PREPL: variants seen among roughly 807,000 people sequenced by gnomAD.
The protein encoded by PREPL is prolyl endopeptidase-like.
In PREPL, 77 loss-of-function variants were observed where a neutral mutation model predicts 70.6. That is an observed-to-expected ratio of 1.09 (90% CI 0.91 to 1.32). The LOEUF is 1.32. Ranked by LOEUF, PREPL falls within the 40% of genes most tolerant of loss-of-function variation. The probability of loss-of-function intolerance (pLI) is 0.00; values close to 1 mark genes in which losing one functional copy is unlikely to be tolerated. For missense variants in PREPL, 1,002 were observed against 778.2 expected (o/e 1.29, Z -3.42); for synonymous variants, 315 against 264.8 (o/e 1.19, Z -1.84).
In PREPL at chr2:44,318,770, T is replaced by A. The variant is rs1042652837; in HGVS notation, c.*2586A>T. The stretch of plus-strand genomic sequence containing the variant: ...AAAATAAAATTACAAAAATCAGGCT[T>A]GGAAGTATTTAATAGCAGACAAAAT... On this transcript the variant is annotated 3_prime_UTR_variant, in exon 14 of 14. Transcript: ENST00000409411. The A allele has an allele frequency of 6.6e-6, 1 of 152,194 alleles. No individual in the cohort carries two copies. The highest frequency in any genetic ancestry group is 1.5e-5 in the Non-Finnish European group (1 of 68,026). 9.4% of individuals were successfully genotyped at this position (152,194 alleles called of 1,614,324 possible).
intron 9 of PREPL, 52 bp downstream of exon 9, chr2:44,328,885 A>T: frequency 6.8e-7 from 1 of 1,470,660 alleles, no homozygotes; most frequent in Non-Finnish European, 9.2e-7. Context: ...TATTCTTGAC[A>T]TCTCTCACAA....
At position 44,343,865 on chromosome 2, in the gene PREPL, C is replaced by G. The variant is rs1487616388; in HGVS notation, c.229G>C (p.Asp77His). The G allele has an allele frequency of 6.2e-6, 10 of 1,614,024 alleles. No individual in the cohort carries two copies. The highest frequency in any genetic ancestry group is 7.6e-6 in the Non-Finnish European group (9 of 1,179,942). Reference sequence around the variant, plus strand: ...ATCTTGGCAGCCACATATTTTTCATCTGGAGCAACTCTGATACAATCAATG... The same window carrying G: ...ATCTTGGCAGCCACATATTTTTCATGTGGAGCAACTCTGATACAATCAATG... Reference protein sequence around the residue: ...PFIDCIRVAPDEKYVAAKIRT... With the variant: ...PFIDCIRVAPHEKYVAAKIRT... Residue 77 changes from aspartate to histidine, a missense_variant, in exon 4 of 14, where the codon GAT becomes CAT. Coordinates refer to ENST00000409411, the MANE Select transcript of PREPL (RefSeq NM_001171613.2).
chr2:44,351,613 A>C (rs1034130075), intron 1 of PREPL, among the ~76,000 whole-genome samples: 2 of 152,058 alleles, frequency 1.3e-5, no homozygotes, highest in African/African-American at 4.8e-5. Flanking sequence ...AAAACATTAC[A>C]GTTGGATTTG....
Position 44,359,541 on chromosome 2 carries a change from A to G in PREPL, c.-49+1839T>C, listed in dbSNP as rs375878651. The G allele has an allele frequency of 8.1e-6, 13 of 1,613,494 alleles. No individual in the cohort carries two copies. The highest frequency in any genetic ancestry group is 3.3e-5 in the South Asian group (3 of 91,070). ...CTTGGGATGTTTCTTGCTAACTCTG[A>G]TATCTTGGGTTTATTCTGAAGACAC... On this transcript the variant is annotated intron_variant, in intron 1 of 13. Transcript: ENST00000409411.
At chr2:44,341,104 A>T (rs1314858317) in intron 5 of PREPL, among the ~76,000 whole-genome samples, 2 of 152,048 alleles carry the variant, frequency 1.3e-5, no homozygotes, top group Non-Finnish European at 2.9e-5. Context: ...TATTGATTTT[A>T]TGTTTCAAAA....
chr2:44,359,946 C>T (rs964998704), intron 1 of PREPL: 2 of 490,708 alleles, frequency 4.1e-6, no homozygotes, highest in African/African-American at 3.8e-5. Flanking sequence ...AATCATAATT[C>T]TTGGCAGATG....
At chr2:44,359,545 C>A (rs1015981858) in intron 1 of PREPL, 65 of 1,613,374 alleles carry the variant, frequency 4.0e-5, no homozygotes, top group Non-Finnish European at 5.2e-5. Context: ...ACTCTGATAT[C>A]TTGGGTTTAT....
rs143740561 is a variant in PREPL at position 44,320,427 on chromosome 2, G to A, written c.*929C>T. 1.1e-4 allele frequency: 171 copies of A among 1,614,036 alleles called. 2 individuals carry two copies. In the African/African-American group the frequency reaches 1.9e-3, roughly 17 times the overall value. The stretch of plus-strand genomic sequence containing the variant: ...ACATAATATGATTTCGGGCCTTCCC[G>A]CTAAAATGAGAATAAGGTTAAGTAC... On this transcript the variant is annotated 3_prime_UTR_variant, in exon 14 of 14. Coordinates refer to ENST00000409411, the MANE Select transcript of PREPL (RefSeq NM_001171613.2).
At chr2:44,325,399 A>T (rs913608256) in intron 10 of PREPL, among the ~76,000 whole-genome samples, 1 of 152,192 alleles carries the variant, frequency 6.6e-6, no homozygotes, top group Non-Finnish European at 1.5e-5. Flanking sequence ...GGCCAATTCT[A>T]TGCCTTTGGC....
At chr2:44,328,861 C>A in intron 9 of PREPL, 76 bp downstream of exon 9, 1 of 1,349,922 alleles carries the variant, frequency 7.4e-7, no homozygotes, top group East Asian at 2.4e-5. Flanking sequence ...CTTTTGTTCC[C>A]TGATATATAT....
chr2:44,357,484 T>G (rs1004352344), intron 1 of PREPL, among the ~76,000 whole-genome samples: 10 of 152,340 alleles, frequency 6.6e-5, no homozygotes, highest in Admixed American at 3.9e-4. Context: ...GAGGGAATGG[T>G]TGATACATGA....
intron 1 of PREPL, among the ~76,000 whole-genome samples, chr2:44,355,710 G>A (rs1676956912): frequency 6.7e-6 from 1 of 150,090 alleles, no homozygotes; most frequent in African/African-American, 2.5e-5. Context: ...TGCTTAAAAG[G>A]ATGTAGCTCA....
chr2:44,322,380 A>C (rs1407795217), intron 12 of PREPL, among the ~76,000 whole-genome samples: 1 of 152,232 alleles, frequency 6.6e-6, no homozygotes, highest in East Asian at 1.9e-4. Flanking sequence ...CAAAAATCTC[A>C]GAATCTGTCT....
chr2:44,346,181 G>C, intron 2 of PREPL, 87 bp downstream of exon 2: 1 of 1,274,464 alleles, frequency 7.8e-7, no homozygotes. Context: ...TCTTGATGTG[G>C]ACTATGTCTC....
chr2:44,320,475 A>G lies in PREPL; in HGVS notation c.*881T>C, dbSNP rs372828295. ...TACCAATTCTGCCGACAAAGGCAGT[A>G]AAGTTGATACAAGTGGCATTTTTCT... On this transcript the variant is annotated 3_prime_UTR_variant, in exon 14 of 14. Coordinates refer to ENST00000409411, the MANE Select transcript of PREPL (RefSeq NM_001171613.2). 1.9e-6 allele frequency: 3 copies of G among 1,614,056 alleles called. No individual in the cohort carries two copies. The highest frequency in any genetic ancestry group is 1.3e-5 in the African/African-American group (1 of 74,948).
At position 44,322,810 on chromosome 2, in the gene PREPL, C is replaced by G; in HGVS notation, c.1674G>C (p.Arg558=). The G allele has an allele frequency of 1.9e-6, 3 of 1,613,796 alleles. No individual in the cohort carries two copies. The highest frequency in any genetic ancestry group is 2.5e-6 in the Non-Finnish European group (3 of 1,179,752). The change falls in exon 12 of 14, where the codon CGG becomes CGC. Residue 558 remains arginine (R), a synonymous_variant. Transcript: ENST00000409411. ...AACTTACAATTCCTTTCAGAGGTAC[C>G]CGTTCATCGTTTTCATATGCCGTTA... ...IHITAYENDE[R]VPLKGIVSYT...
chr2:44,333,713 G>A (rs2103854376), intron 7 of PREPL, among the ~76,000 whole-genome samples: 1 of 152,260 alleles, frequency 6.6e-6, no homozygotes, highest in Non-Finnish European at 1.5e-5. Flanking sequence ...TTCTCACATT[G>A]AGGGTTGTTT....
rs75235047 is a variant in PREPL, at chr2:44,342,840, A to T, written c.350-288T>A. On this transcript the variant is annotated intron_variant, in intron 4 of 13. Coordinates refer to ENST00000409411, the MANE Select transcript of PREPL (RefSeq NM_001171613.2). ...CTCAATATTTAGGAAAGACATTGGT[A>T]AAGTCACATTTGCTTTTAGGAGGTG... 3.3e-5 allele frequency among the ~76,000 whole-genome samples: 5 copies of T among 152,296 alleles called. No individual in the cohort carries two copies. In the South Asian group the frequency reaches 1.0e-3, roughly 32 times the overall value.
chr2:44,354,011 C>A (rs955464048), intron 1 of PREPL, among the ~76,000 whole-genome samples: 3 of 151,864 alleles, frequency 2.0e-5, no homozygotes, highest in Admixed American at 1.3e-4. Context: ...CACAAAAAAT[C>A]AAAAAATTAG....
Sources: allele counts gnomAD v4.1 joint callset (sites outside exome capture counted in the v4.1 genomes callset), GRCh38; gene constraint gnomAD v4.1.1; transcripts MANE v1.5; gene names NCBI Gene and HGNC (gene_info 2026-07-23, HGNC 2026-07-21).